TENM4: variants seen among roughly 807,000 people sequenced by gnomAD.
TENM4 encodes teneurin-4.
TENM4 carries 82 observed loss-of-function variants against 243.3 expected under a neutral mutation model. The ratio of observed to expected loss-of-function variants is 0.34; its 90% CI spans 0.28 to 0.40. TENM4 has a LOEUF of 0.40. Ranked by LOEUF, TENM4 falls within the 10% of genes least tolerant of loss-of-function variation. The pLI, the probability that TENM4 is intolerant of heterozygous loss-of-function variation, is 1.00. For missense variants in TENM4, 3,138 were observed against 3,673.3 expected, an observed-to-expected ratio of 0.85 and a Z score of 3.77; for synonymous variants, 1,412 against 1,456.3, an observed-to-expected ratio of 0.97 and a Z score of 0.69.
intron 3 of TENM4, among the ~76,000 whole-genome samples, chr11:79,179,513 A>G (rs956812408): frequency 6.9e-6 from 1 of 145,548 alleles, no homozygotes. Flanking sequence ...CTTCAAAACA[A>G]GATGATTAAG....
intron 2 of TENM4, among the ~76,000 whole-genome samples, chr11:79,226,475 G>A (rs1293691923): frequency 1.3e-5 from 2 of 152,188 alleles, no homozygotes; most frequent in Non-Finnish European, 2.9e-5. Flanking sequence ...AATAACCATT[G>A]AACACAGGCC....
At chr11:79,136,184 GA>G (rs920676044) in intron 4 of TENM4, among the ~76,000 whole-genome samples, 7 of 152,126 alleles carry the variant, frequency 4.6e-5, no homozygotes, top group African/African-American at 1.7e-4. Flanking sequence ...ATAACTTATT[GA>G]AATATAATAA....
chr11:79,207,775 A>T (rs1863878129), intron 3 of TENM4, among the ~76,000 whole-genome samples: 1 of 145,012 alleles, frequency 6.9e-6, no homozygotes, highest in Non-Finnish European at 1.5e-5. Flanking sequence ...CTGAGGTAGG[A>T]GGATCGCTTG....
chr11:79,076,880 T>A (rs974099433), intron 4 of TENM4, among the ~76,000 whole-genome samples: 3 of 152,208 alleles, frequency 2.0e-5, no homozygotes, highest in Admixed American at 6.5e-5. Context: ...GGTATTATTC[T>A]TTTATTCTTT....
intron 4 of TENM4, among the ~76,000 whole-genome samples, chr11:79,080,732 T>C (rs1170632311): frequency 6.6e-6 from 1 of 152,230 alleles, no homozygotes; most frequent in Non-Finnish European, 1.5e-5. Flanking sequence ...TTTGGGAAAT[T>C]GCCAGTCTCT....
At chr11:78,919,741 G>A (rs1000003231) in intron 6 of TENM4, among the ~76,000 whole-genome samples, 6 of 152,078 alleles carry the variant, frequency 3.9e-5, no homozygotes, top group African/African-American at 1.2e-4. Flanking sequence ...TAACACCACC[G>A]TGACATTTTC....
chr11:78,722,308 C>T (rs1052330563), intron 24 of TENM4, among the ~76,000 whole-genome samples: 39 of 152,332 alleles, frequency 2.6e-4, no homozygotes, highest in African/African-American at 8.4e-4. Context: ...AGCAATGGCA[C>T]CCAGCCCCTT....
At chr11:79,351,278 A>C (rs1224377985) in intron 1 of TENM4, among the ~76,000 whole-genome samples, 2 of 151,952 alleles carry the variant, frequency 1.3e-5, no homozygotes, top group African/African-American at 2.4e-5. Flanking sequence ...GGTATCATCT[A>C]CTCACTGATT....
chr11:78,993,800 A>C (rs1025327104), intron 6 of TENM4, among the ~76,000 whole-genome samples: 2 of 152,140 alleles, frequency 1.3e-5, no homozygotes, highest in African/African-American at 4.8e-5. Context: ...TATAGTATCT[A>C]TTTTCAAAGT....
intron 2 of TENM4, among the ~76,000 whole-genome samples, chr11:79,241,484 C>T (rs1429928585): frequency 2.0e-5 from 3 of 152,082 alleles, no homozygotes; most frequent in African/African-American, 7.2e-5. Flanking sequence ...GACCATCAGG[C>T]TCACTCCCAA....
At position 78,672,264 on chromosome 11, in the gene TENM4, A is replaced by G. The variant is rs1565326016; in HGVS notation, c.5562T>C (p.Asp1854=). 2 of 1,614,064 alleles carry G rather than the reference A, an allele frequency of 1.2e-6. No individual in the cohort carries two copies. The highest frequency in any genetic ancestry group is 1.1e-5 in the South Asian group (1 of 91,086). Residue 1854 remains aspartate (D), a synonymous_variant, in exon 31 of 34, where the codon GAT becomes GAC. Coordinates refer to ENST00000278550, the MANE Select transcript of TENM4 (RefSeq NM_001098816.3). ...TCCGAAGGGTGAACTTGCGGTGGTC[A>G]TCATAGATCTTCTCTGTGCGTGTTA... ...DRVTRTEKIY[D]DHRKFTLRIL... is the part of the protein sequence containing the mutation.
intron 2 of TENM4, among the ~76,000 whole-genome samples, chr11:79,257,055 T>C (rs998624428): frequency 1.3e-5 from 2 of 151,860 alleles, no homozygotes; most frequent in African/African-American, 2.4e-5. Context: ...GACAGAGCAG[T>C]GAATGAAGGA....
chr11:78,949,130 C>CA (rs1462722451), intron 6 of TENM4, among the ~76,000 whole-genome samples: 3 of 152,190 alleles, frequency 2.0e-5, no homozygotes, highest in Admixed American at 2.0e-4. Flanking sequence ...CTGCCAGCTC[C>CA]CCTCCCATCT....
At chr11:79,236,478 G>A (rs904824996) in intron 2 of TENM4, among the ~76,000 whole-genome samples, 1 of 152,240 alleles carries the variant, frequency 6.6e-6, no homozygotes, top group Non-Finnish European at 1.5e-5. Flanking sequence ...TGCTTTTGAA[G>A]TTTCTGCGCT....
At chr11:79,058,418 G>C (rs1434471083) in intron 6 of TENM4, among the ~76,000 whole-genome samples, 1 of 151,986 alleles carries the variant, frequency 6.6e-6, no homozygotes, top group Non-Finnish European at 1.5e-5. Flanking sequence ...GGTGGTGGGC[G>C]CCTGTAGTCC....
At chr11:79,217,864 A>G (rs1413103773) in intron 2 of TENM4, among the ~76,000 whole-genome samples, 1 of 152,088 alleles carries the variant, frequency 6.6e-6, no homozygotes, top group Non-Finnish European at 1.5e-5. Flanking sequence ...CTGGGATTAC[A>G]GGTGCCCACC....
chr11:78,954,777 CATAA>C (rs1471571741), intron 6 of TENM4, among the ~76,000 whole-genome samples: 2 of 152,220 alleles, frequency 1.3e-5, no homozygotes, highest in African/African-American at 2.4e-5. Context: ...TTTAAAGGAA[CATAA>C]ATAACCATTT....
At chr11:79,361,376 T>C (rs1395830616) in intron 1 of TENM4, among the ~76,000 whole-genome samples, 2 of 152,212 alleles carry the variant, frequency 1.3e-5, no homozygotes, top group Admixed American at 6.5e-5. Context: ...CAATGTCAGA[T>C]AATTATTTTT....
chr11:79,226,947 C>T (rs1275017868), intron 2 of TENM4, among the ~76,000 whole-genome samples: 2 of 152,186 alleles, frequency 1.3e-5, no homozygotes, highest in African/African-American at 2.4e-5. Context: ...AGACACTTGT[C>T]TATTTGCTCC....
Sources: gnomAD v4.1 joint callset for allele counts (sites outside exome capture counted in the v4.1 genomes callset) on GRCh38, gnomAD v4.1.1 for gene constraint, MANE v1.5 for transcripts, NCBI Gene and HGNC (gene_info 2026-07-23, HGNC 2026-07-21) for gene names.